The following INPP4B variants were observed in gnomAD, a reference collection of about 807,000 sequenced individuals.
INPP4B encodes inositol polyphosphate-4-phosphatase type II B.
In INPP4B, 55 loss-of-function variants were observed where a neutral mutation model predicts 122.5. The observed-to-expected ratio is 0.45, with a 90% CI of 0.36 to 0.56. The LOEUF (loss-of-function observed/expected upper bound fraction) is 0.56, where lower values mean the gene tolerates loss of function less well. Among genes scored for constraint, INPP4B ranks in the 20% least tolerant of loss-of-function variants. The pLI, the probability that INPP4B is intolerant of heterozygous loss-of-function variation, is 0.00. For missense variants in INPP4B, 1,000 were observed against 1,097.7 expected (o/e 0.91, Z 1.26); for synonymous variants, 403 against 388.7 (o/e 1.04, Z -0.43).
intron 18 of INPP4B, among the ~76,000 whole-genome samples, chr4:142,125,907 T>C (rs961375421): frequency 6.6e-6 from 1 of 152,140 alleles, no homozygotes; most frequent in African/African-American, 2.4e-5. Flanking sequence ...ACAATAAATA[T>C]AAAAAGTTTT....
chr4:142,429,156 A>T lies in INPP4B; in HGVS notation c.136+17T>A. 6.9e-7 allele frequency: 1 copy of T among 1,453,890 alleles called. No homozygotes were observed. The highest frequency in any genetic ancestry group is 9.6e-7 in the Non-Finnish European group (1 of 1,042,138). 90.1% of individuals were successfully genotyped at this position (1,453,890 alleles called of 1,614,324 possible). A position where few individuals can be genotyped will look rare whatever the true frequency, so the allele number is the denominator to read the frequency against. On this transcript the variant is annotated intron_variant, in intron 5 of 25. Coordinates refer to ENST00000262992, the MANE Select transcript of INPP4B (RefSeq NM_001101669.3). ...AATTCTTATATTTATTGATATAAATAAGATGGAATTTCTTACCAAGGATGA... is the reference window on the plus strand; with the variant it reads ...AATTCTTATATTTATTGATATAAATTAGATGGAATTTCTTACCAAGGATGA...
chr4:142,749,125 C>T (rs1769239154), intron 1 of INPP4B, among the ~76,000 whole-genome samples: 2 of 149,098 alleles, frequency 1.3e-5, no homozygotes, highest in Admixed American at 1.4e-4. Flanking sequence ...AGTGACAGAA[C>T]AAGACTCTGT....
At chr4:142,732,700 G>C (rs1022737631) in intron 1 of INPP4B, among the ~76,000 whole-genome samples, 1 of 152,002 alleles carries the variant, frequency 6.6e-6, no homozygotes, top group African/African-American at 2.4e-5. Flanking sequence ...AAAATAAATG[G>C]AGAGAGATGC....
Position 142,179,696 on chromosome 4 carries a change from C to T in INPP4B, c.1182-5887G>A, listed in dbSNP as rs76401742. ...ACTTGTACTTTCTAAACCAATGAAACGTCTTTTTTATGTACATCCTTTATT... is the reference window on the plus strand; with the variant it reads ...ACTTGTACTTTCTAAACCAATGAAATGTCTTTTTTATGTACATCCTTTATT... On this transcript the variant is annotated intron_variant, in intron 15 of 25. Coordinates refer to ENST00000262992, the MANE Select transcript of INPP4B (RefSeq NM_001101669.3). 3.1e-3 allele frequency among the ~76,000 whole-genome samples: 470 copies of T among 152,184 alleles called. 2 individuals are homozygous for T. The highest frequency in any genetic ancestry group is 0.01 in the African/African-American group (424 of 41,532).
In INPP4B at chr4:142,128,995, G is replaced by A. The variant is rs1488069250; in HGVS notation, c.1721-4235C>T. Among the ~76,000 whole-genome samples, 3 of 152,158 alleles carry A rather than the reference G, an allele frequency of 2.0e-5. No individual in the cohort carries two copies. In the East Asian group the frequency reaches 5.8e-4, roughly 29 times the overall value. ...AAAATAATTAACTTCACAAAAGCTT[G>A]TAGCTATTGTTATTTCCGTTATCGC... On this transcript the variant is annotated intron_variant, in intron 18 of 25. Coordinates refer to ENST00000262992, the MANE Select transcript of INPP4B (RefSeq NM_001101669.3).
chr4:142,515,554 G>T (rs4975308), intron 2 of INPP4B, among the ~76,000 whole-genome samples: 1 of 151,828 alleles, frequency 6.6e-6, no homozygotes, highest in South Asian at 2.1e-4. Flanking sequence ...GCACCCAAGG[G>T]TGTAAGGGAA....
chr4:142,649,480 G>T (rs1752483762), intron 2 of INPP4B, among the ~76,000 whole-genome samples: 1 of 152,138 alleles, frequency 6.6e-6, no homozygotes, highest in Non-Finnish European at 1.5e-5. Context: ...CTTGATAAAA[G>T]GTTATATGGA....
At chr4:142,172,660 C>T (rs539655752) in intron 16 of INPP4B, among the ~76,000 whole-genome samples, 1 of 151,976 alleles carries the variant, frequency 6.6e-6, no homozygotes, top group Non-Finnish European at 1.5e-5. Context: ...AATGTATAAA[C>T]TGCAATGTTA....
At chr4:142,051,648 C>G (rs894750267) in intron 25 of INPP4B, among the ~76,000 whole-genome samples, 6 of 151,932 alleles carry the variant, frequency 3.9e-5, no homozygotes, top group Admixed American at 6.6e-5. Context: ...TTAACATCAG[C>G]GTTGCTCTAC....
intron 5 of INPP4B, among the ~76,000 whole-genome samples, chr4:142,418,431 G>A (rs2149291670): frequency 6.6e-6 from 1 of 152,224 alleles, no homozygotes; most frequent in African/African-American, 2.4e-5. Flanking sequence ...CAGTTTCACA[G>A]CATTGAACAA....
intron 2 of INPP4B, among the ~76,000 whole-genome samples, chr4:142,557,891 A>G (rs778765315): frequency 5.3e-5 from 8 of 152,104 alleles, no homozygotes; most frequent in Non-Finnish European, 1.0e-4. Flanking sequence ...TACCCCTTCT[A>G]CGTTCTGGTT....
intron 2 of INPP4B, among the ~76,000 whole-genome samples, chr4:142,714,609 T>G (rs1360811215): frequency 6.6e-6 from 1 of 152,250 alleles, no homozygotes; most frequent in Non-Finnish European, 1.5e-5. Context: ...GTTTTTGCTT[T>G]TCTCTTTTAT....
intron 2 of INPP4B, among the ~76,000 whole-genome samples, chr4:142,528,917 G>T (rs1324086884): frequency 1.3e-5 from 2 of 152,030 alleles, no homozygotes; most frequent in Non-Finnish European, 2.9e-5. Flanking sequence ...GACTGTGTTT[G>T]TTGCCAATTA....
intron 11 of INPP4B, among the ~76,000 whole-genome samples, chr4:142,256,240 C>T (rs1351966511): frequency 9.2e-5 from 14 of 151,516 alleles, no homozygotes; most frequent in African/African-American, 3.4e-4. Flanking sequence ...TAAATGCCCA[C>T]AAGAGAAAGC....
At chr4:142,214,128 T>C (rs774912674) in intron 12 of INPP4B, among the ~76,000 whole-genome samples, 6 of 152,212 alleles carry the variant, frequency 3.9e-5, no homozygotes, top group Admixed American at 6.5e-5. Flanking sequence ...TGGGCAGCTC[T>C]AGTCACAGAG....
intron 15 of INPP4B, among the ~76,000 whole-genome samples, chr4:142,180,513 C>T (rs1039479038): frequency 2.0e-5 from 3 of 152,056 alleles, no homozygotes; most frequent in Non-Finnish European, 4.4e-5. Context: ...CCTAGCATTA[C>T]GTTAAATGCT....
At chr4:142,318,914 T>C (rs1316969347) in intron 7 of INPP4B, among the ~76,000 whole-genome samples, 4 of 152,144 alleles carry the variant, frequency 2.6e-5, no homozygotes, top group Admixed American at 6.5e-5. Context: ...CAGTGGAACA[T>C]AGGACTTTAA....
chr4:142,252,261 T>C (rs1009308114), intron 11 of INPP4B, among the ~76,000 whole-genome samples: 11 of 147,592 alleles, frequency 7.5e-5, no homozygotes, highest in Non-Finnish European at 1.6e-4. Flanking sequence ...CGATCTCGGC[T>C]CACTGCAAGC....
At chr4:142,580,030 T>C (rs538144652) in intron 2 of INPP4B, among the ~76,000 whole-genome samples, 40 of 151,100 alleles carry the variant, frequency 2.6e-4, no homozygotes, top group Admixed American at 2.1e-3. Context: ...TTCGCTCTAT[T>C]TGAGGACTTG....
Sources: allele counts gnomAD v4.1 joint callset (sites outside exome capture counted in the v4.1 genomes callset), GRCh38; gene constraint gnomAD v4.1.1; transcripts MANE v1.5; gene names NCBI Gene and HGNC (gene_info 2026-07-23, HGNC 2026-07-21).